SPATA32: variants seen among roughly 807,000 people sequenced by gnomAD.
SPATA32 encodes the protein spermatogenesis-associated protein 32.
A neutral mutation model predicts 35.4 loss-of-function variants in SPATA32; 28 were observed. The ratio of observed to expected loss-of-function variants is 0.79; its 90% CI spans 0.59 to 1.09. The LOEUF (loss-of-function observed/expected upper bound fraction) is 1.09, where lower values mean the gene tolerates loss of function less well. SPATA32 is among the 50% of genes least tolerant of loss of function. The probability of loss-of-function intolerance (pLI) is 0.00; values close to 1 mark genes in which losing one functional copy is unlikely to be tolerated. For synonymous variants in SPATA32, 168 were observed against 196.3 expected, an observed-to-expected ratio of 0.86 and a Z score of 1.20; for missense variants, 409 against 475.9, an observed-to-expected ratio of 0.86 and a Z score of 1.31.
In SPATA32 at chr17:45,256,402, G is replaced by C; in HGVS notation, c.82C>G (p.Gln28Glu). The C allele has an allele frequency of 6.3e-7, 1 of 1,599,888 alleles. No homozygotes were observed. The highest frequency in any genetic ancestry group is 2.2e-5 in the East Asian group (1 of 44,622). Residue 28 changes from glutamine to glutamate, a missense_variant, in exon 3 of 5, where the codon CAA (glutamine) becomes GAA (glutamate). Transcript: ENST00000331780. The surrounding 1 kb of genome is among the most constrained non-coding windows in gnomAD (Gnocchi z 4.7). ...EVAEMRDDLSQHQIQEEQELE... is the reference protein window; with the variant it reads ...EVAEMRDDLSEHQIQEEQELE... ...TCCTGTTCCTCTTGTATCTGGTGTT[G>C]ACTTAAGTCATCTCTAAGACAGAAG...
Position 45,257,197 on chromosome 17 carries a change from T to A in SPATA32, c.24A>T (p.Gly8=). 6.2e-7 allele frequency: 1 copy of A among 1,611,676 alleles called. No homozygotes were observed. The highest frequency in any genetic ancestry group is 8.5e-7 in the Non-Finnish European group (1 of 1,179,094). The change falls in exon 2 of 5, where the codon GGA becomes GGT. Residue 8 remains glycine, a synonymous_variant. Transcript: ENST00000331780. MGVTGAH[G]FPCCGKGSVE... ...CTGACCCTTTGCCGCAGCATGGAAA[T>A]CCATGGGCACCTGACAGGGGAAAGG...
Position 45,256,346 on chromosome 17 carries a change from C to CT in SPATA32, c.108+29dup. 6.2e-7 allele frequency: 1 copy of CT among 1,610,092 alleles called. No individual in the cohort carries two copies. Among genetic ancestry groups the CT allele is most frequent in the South Asian group, 1.1e-5 (1 of 91,004 alleles). ...AAGAGCCCTGCCGCTTGCCTACCACCTCCCCGTAAGAGGACACTCCCATTT... is the reference window on the plus strand; with the variant it reads ...AAGAGCCCTGCCGCTTGCCTACCACCTTCCCCGTAAGAGGACACTCCCATTT... On this transcript the variant is annotated intron_variant, in intron 3 of 4. Transcript: ENST00000331780. This position sits in a 1 kb window ranked among gnomAD's most constrained non-coding sequence, Gnocchi z 4.7.
At chr17:45,259,295 A>C (rs556472464) in intron 1 of SPATA32, among the ~76,000 whole-genome samples, 2 of 152,244 alleles carry the variant, frequency 1.3e-5, no homozygotes, top group South Asian at 4.1e-4. Flanking sequence ...GCCTTTCATT[A>C]GCTTGGGCAT....
At chr17:45,258,669 CTG>C (rs2043978759) in intron 1 of SPATA32, among the ~76,000 whole-genome samples, 1 of 152,184 alleles carries the variant, frequency 6.6e-6, no homozygotes, top group Non-Finnish European at 1.5e-5. Context: ...GGGTCTCACT[CTG>C]TCACCCACGC....
rs760266699 is a variant in SPATA32 at position 45,256,743 on chromosome 17, C to A, written c.69-328G>T. ...ACTGCAGGTGAGCTGGGGCAACTCA[C>A]TTCGAGGATTAGTGCCCAGAACACT... On this transcript the variant is annotated intron_variant, in intron 2 of 4. Coordinates refer to ENST00000331780, the MANE Select transcript of SPATA32 (RefSeq NM_152343.3). The surrounding 1 kb of genome is among the most constrained non-coding windows in gnomAD (Gnocchi z 4.7). Among the ~76,000 whole-genome samples the A allele has an allele frequency of 2.0e-5, 3 of 152,170 alleles. No homozygotes were observed. The highest frequency in any genetic ancestry group is 4.4e-5 in the Non-Finnish European group (3 of 68,028).
intron 1 of SPATA32, among the ~76,000 whole-genome samples, chr17:45,261,334 C>T (rs1193824670): frequency 6.6e-6 from 1 of 152,186 alleles, no homozygotes; most frequent in Non-Finnish European, 1.5e-5. Context: ...ATCCTCCCAC[C>T]TCTGCCTCCC....
chr17:45,261,941 C>T (rs1012497834), intron 1 of SPATA32, 63 bp downstream of exon 1: 17 of 1,297,460 alleles, frequency 1.3e-5, no homozygotes, highest in African/African-American at 3.0e-5. Context: ...CGCCCCTCCC[C>T]CTCTCACTTT....
At chr17:45,258,378 C>T (rs1175654297) in intron 1 of SPATA32, among the ~76,000 whole-genome samples, 1 of 152,160 alleles carries the variant, frequency 6.6e-6, no homozygotes. Flanking sequence ...TCCTGCTGTT[C>T]CCCCAGGCTT....
intron 1 of SPATA32, chr17:45,259,876 G>A (rs779922878): frequency 1.3e-5 from 2 of 152,022 alleles, no homozygotes; most frequent in Non-Finnish European, 2.9e-5. Context: ...AACCTCATTT[G>A]GTTGTGATAT....
intron 1 of SPATA32, among the ~76,000 whole-genome samples, chr17:45,259,152 T>C (rs1276532215): frequency 6.6e-6 from 1 of 152,190 alleles, no homozygotes; most frequent in African/African-American, 2.4e-5. Context: ...ACTTGCCTAA[T>C]TGCACTGGGG....
At chr17:45,261,460 G>T (rs1202502031) in intron 1 of SPATA32, among the ~76,000 whole-genome samples, 2 of 152,188 alleles carry the variant, frequency 1.3e-5, no homozygotes, top group East Asian at 3.9e-4. Flanking sequence ...CACCATTTCA[G>T]TGGGGGATCT....
At position 45,254,435 on chromosome 17, in the gene SPATA32, T is replaced by C. The variant is rs2043936264; in HGVS notation, c.1146A>G (p.Pro382=). 1 of 1,614,150 alleles carries C rather than the reference T, an allele frequency of 6.2e-7. No individual in the cohort carries two copies. The highest frequency in any genetic ancestry group is 2.2e-5 in the East Asian group (1 of 44,870). Residue 382 remains proline, a synonymous_variant, in exon 5 of 5, where the codon CCA becomes CCG. Transcript: ENST00000331780. ...IHFKLSAPTI[P]EK Reference sequence around the variant, plus strand: ...TATTGGTTCTGTCTAGTCATTTCTCTGGGATTGTGGGGGCTGACAGCTTAA... The same window carrying C: ...TATTGGTTCTGTCTAGTCATTTCTCCGGGATTGTGGGGGCTGACAGCTTAA...
chr17:45,257,688 A>G (rs748125619), intron 1 of SPATA32, among the ~76,000 whole-genome samples: 3 of 152,006 alleles, frequency 2.0e-5, no homozygotes, highest in African/African-American at 7.3e-5. Flanking sequence ...TGGAGTCCCA[A>G]TAACGCCCCA....
intron 1 of SPATA32, among the ~76,000 whole-genome samples, chr17:45,260,327 AG>A (rs1257536420): frequency 6.6e-6 from 1 of 151,780 alleles, no homozygotes; most frequent in African/African-American, 2.4e-5. Flanking sequence ...CTCCCTTTCT[AG>A]TCTGTCATCT....
intron 1 of SPATA32, among the ~76,000 whole-genome samples, chr17:45,257,423 C>G (rs1388933988): frequency 6.6e-6 from 1 of 152,148 alleles, no homozygotes; most frequent in East Asian, 1.9e-4. Context: ...CTTGCCTCCT[C>G]GGAGGCTCCC....
chr17:45,256,051 T>G lies in SPATA32; in HGVS notation c.131A>C (p.Gln44Pro). Reference protein sequence around the residue: ...EQELEADMLEQKPQLQVDLDL... With the variant: ...EQELEADMLEPKPQLQVDLDL... ...CAGGTCCACTTGGAGTTGGGGCTTC[T>G]GCTCTAGCATGTCTGCCTCCAGCTG... The change falls in exon 4 of 5, where the codon CAG becomes CCG. Residue 44 changes from glutamine (Q) to proline (P), a missense_variant. Gln to Pro is a moderately conservative substitution (Grantham distance 76). Transcript: ENST00000331780. The surrounding 1 kb of genome is among the most constrained non-coding windows in gnomAD (Gnocchi z 4.7). 1 of 1,606,310 alleles carries G rather than the reference T, an allele frequency of 6.2e-7. No homozygotes were observed. Among genetic ancestry groups the G allele is most frequent in the Non-Finnish European group, 8.5e-7 (1 of 1,176,044 alleles).
intron 1 of SPATA32, chr17:45,261,095 G>GTTTTTTTTTTTTTTTTTTTTTTTT (rs386386165): frequency 1.1e-5 from 1 of 92,768 alleles, no homozygotes. Flanking sequence ...CCGACCTCTG[G>GTTTTTTTTTTTTTTTTTTTTTTTT]TTTTTTTTTT....
intron 2 of SPATA32, 69 bp downstream of exon 2, chr17:45,257,084 G>C: frequency 1.3e-6 from 2 of 1,543,898 alleles, no homozygotes; most frequent in East Asian, 4.5e-5. Flanking sequence ...GGGATCCTAG[G>C]CTGGGGGTGA....
At chr17:45,257,282 C>A (rs60163605) in intron 1 of SPATA32, 75 bp from the exon 2 acceptor site, 695,530 of 1,470,494 alleles carry the variant, frequency 0.47, 167,953 homozygotes, top group Non-Finnish European at 0.5. Flanking sequence ...GGAGCCAGCC[C>A]CCTTTTCCTG....
Sources: gnomAD v4.1 joint callset for allele counts (sites outside exome capture counted in the v4.1 genomes callset) on GRCh38, gnomAD v4.1.1 for gene constraint, Gnocchi (gnomAD v3.1) non-coding constraint, MANE v1.5 for transcripts, NCBI Gene and HGNC (gene_info 2026-07-23, HGNC 2026-07-21) for gene names.